Variants in CRELD1 observed in about 807,000 individuals in gnomAD.
CRELD1 encodes the protein CRELD disulfide isomerase 1.
In CRELD1, 42 loss-of-function variants were observed where a neutral mutation model predicts 58.2. The observed-to-expected ratio is 0.72, with a 90% CI of 0.56 to 0.93. The LOEUF is 0.93. CRELD1 is among the 40% of genes least tolerant of loss of function. The probability of loss-of-function intolerance (pLI) is 0.00; values close to 1 mark genes in which losing one functional copy is unlikely to be tolerated. For missense variants in CRELD1, 500 were observed against 540.6 expected (o/e 0.92, Z 0.74); for synonymous variants, 222 against 202.0 (o/e 1.10, Z -0.84).
intron 1 of CRELD1, 191 bp from the exon 2 acceptor site, chr3:9,934,229 A>G: frequency 6.7e-6 from 4 of 595,096 alleles, no homozygotes; most frequent in Non-Finnish European, 9.0e-6. Flanking sequence ...AGGATAACTT[A>G]TTTCTCTTCT....
At chr3:9,936,491 ATG>A (rs1436131511) in intron 3 of CRELD1, among the ~76,000 whole-genome samples, 18 of 151,288 alleles carry the variant, frequency 1.2e-4, no homozygotes, top group African/African-American at 2.2e-4. Context: ...GTATATATAT[ATG>A]TGTGTGTATA....
At chr3:9,936,242 G>A (rs1378518955) in intron 3 of CRELD1, 4 of 152,104 alleles carry the variant, frequency 2.6e-5, no homozygotes, top group Non-Finnish European at 5.9e-5. Flanking sequence ...AGAAATAAAG[G>A]TTTTGTTATT....
At chr3:9,936,691 A>T (rs959125965) in intron 3 of CRELD1, among the ~76,000 whole-genome samples, 3 of 151,942 alleles carry the variant, frequency 2.0e-5, no homozygotes, top group Admixed American at 2.0e-4. Flanking sequence ...CCCCCCAAAA[A>T]ATCCTATACC....
chr3:9,936,056 C>G (rs1008820248), intron 3 of CRELD1: 78 of 152,166 alleles, frequency 5.1e-4, no homozygotes, highest in African/African-American at 1.8e-3. Context: ...GAGCCCTGAG[C>G]CCTCCAGCTT....
chr3:9,942,689 G>A lies in CRELD1; in HGVS notation c.734-124G>A, dbSNP rs548288861. 1.1e-5 allele frequency: 9 copies of A among 799,878 alleles called. No homozygotes were observed. The Admixed American group carries it at 1.5e-4, about 13-fold the overall frequency. The allele number at this position is 799,878 out of a possible 1,614,324, so 49.5% of individuals were successfully genotyped here. ...AGTCCAGCTAGTCTGCTTCTGTGTTGGTAGACAGCTTGCAGTCTCTGCCAT... is the reference window on the plus strand; with the variant it reads ...AGTCCAGCTAGTCTGCTTCTGTGTTAGTAGACAGCTTGCAGTCTCTGCCAT... On this transcript the variant is annotated intron_variant, in intron 7 of 10. Transcript: ENST00000452070.
At position 9,943,529 on chromosome 3, in the gene CRELD1, C is replaced by CG; in HGVS notation, c.1048+17dup. On this transcript the variant is annotated intron_variant, in intron 10 of 10. Coordinates refer to ENST00000452070, the MANE Select transcript of CRELD1 (RefSeq NM_001077415.3). ...AGCAGATCCCAGGTGAGCCCTGGGG[C>CG]GGGAGAGGGGAGGTCCTCATTCAAA... 1 of 1,613,890 alleles carries CG rather than the reference C, an allele frequency of 6.2e-7. No homozygotes were observed. The highest frequency in any genetic ancestry group is 8.5e-7 in the Non-Finnish European group (1 of 1,179,936).
chr3:9,937,616 G>A lies in CRELD1; in HGVS notation c.312G>A (p.Glu104=), dbSNP rs781628094. 44 of 1,612,576 alleles carry A rather than the reference G, an allele frequency of 2.7e-5. No homozygotes were observed. The Admixed American group carries it at 6.8e-4, about 25-fold the overall frequency. The part of the protein sequence containing the change: ...LEGVCSKSDF[E]CHRLLELSEE... ...GTGTGTGCAGCAAGTCAGACTTCGA[G>A]TGCCACCGCCTGCTGGAGCTGAGTG... Residue 104 remains glutamate (E), a synonymous_variant, in exon 4 of 11, where the codon GAG becomes GAA. Coordinates refer to ENST00000452070, the MANE Select transcript of CRELD1 (RefSeq NM_001077415.3).
rs540452548 is a variant in CRELD1 at position 9,942,523 on chromosome 3, G to T, written c.734-290G>T. ...GAGAAGGGAAAGAAAGTGCATTGAG[G>T]AGTCCAAGCATTGTTTTAAGACCAA... On this transcript the variant is annotated intron_variant, in intron 7 of 10. Transcript: ENST00000452070. 5.3e-5 allele frequency among the ~76,000 whole-genome samples: 8 copies of T among 152,264 alleles called. No individual in the cohort carries two copies. In the East Asian group the frequency reaches 1.4e-3, roughly 26 times the overall value.
In CRELD1 at chr3:9,937,555, C is replaced by T. The variant is rs372228097; in HGVS notation, c.258-7C>T. On this transcript the variant is annotated splice_region_variant and splice_polypyrimidine_tract_variant and intron_variant, in intron 3 of 10. Transcript: ENST00000452070. Reference sequence around the variant, plus strand: ...TGTTTCCCACCAGCCCTGCCCTGTCCGATCAGTGAGACCCGCCTGGTAGAG... The same window carrying T: ...TGTTTCCCACCAGCCCTGCCCTGTCTGATCAGTGAGACCCGCCTGGTAGAG... 3.1e-5 allele frequency: 50 copies of T among 1,602,690 alleles called. No homozygotes were observed. The highest frequency in any genetic ancestry group is 6.8e-5 in the Admixed American group (4 of 59,130).
Position 9,941,050 on chromosome 3 carries a change from C to G in CRELD1, c.637+24C>G. 4 of 1,614,196 alleles carry G rather than the reference C, an allele frequency of 2.5e-6. No individual in the cohort carries two copies. The South Asian group carries it at 4.4e-5, about 18-fold the overall frequency. On this transcript the variant is annotated intron_variant, in intron 6 of 10. Coordinates refer to ENST00000452070, the MANE Select transcript of CRELD1 (RefSeq NM_001077415.3). ...GGGTAGGTAGCCAAAAGGTGTGGCA[C>G]TGGGCAGGGGCAGATGGGGCACCTG...
rs1327251791 is a variant in CRELD1, at chr3:9,941,124, C to T, written c.651C>T (p.Pro217=). ...CATTCCACCCAGCTTGTTTTGGCCCCTGTGCCCGATGCTCAGGACCTGAGG... is the reference window on the plus strand; with the variant it reads ...CATTCCACCCAGCTTGTTTTGGCCCTTGTGCCCGATGCTCAGGACCTGAGG... ...SHLVCSACFG[P]CARCSGPEES... Residue 217 remains proline, a synonymous_variant, in exon 7 of 11, where the codon CCC becomes CCT. Transcript: ENST00000452070. The T allele has an allele frequency of 1.2e-6, 2 of 1,614,230 alleles. No homozygotes were observed. Among genetic ancestry groups the T allele is most frequent in the Non-Finnish European group, 8.5e-7 (1 of 1,180,046 alleles).
intron 3 of CRELD1, among the ~76,000 whole-genome samples, chr3:9,936,497 G>A (rs2085197222): frequency 6.6e-6 from 1 of 151,680 alleles, no homozygotes; most frequent in South Asian, 2.1e-4. Flanking sequence ...ATATATGTGT[G>A]TGTATATATA....
At chr3:9,934,371 G>C in intron 1 of CRELD1, 49 bp from the exon 2 acceptor site, 3 of 1,418,980 alleles carry the variant, frequency 2.1e-6, no homozygotes, top group Non-Finnish European at 3.0e-6. Flanking sequence ...TCTTTCTCGC[G>C]TGGGGCCTGA....
chr3:9,941,473 G>GC (rs2085364106), intron 7 of CRELD1, among the ~76,000 whole-genome samples: 1 of 152,150 alleles, frequency 6.6e-6, no homozygotes, highest in Admixed American at 6.5e-5. Context: ...CTTGGAGGAG[G>GC]CGTTACTTTG....
intron 9 of CRELD1, 59 bp from the exon 10 acceptor site, chr3:9,943,322 G>C (rs1364539504): frequency 6.2e-7 from 1 of 1,612,904 alleles, no homozygotes; most frequent in African/African-American, 1.3e-5. Flanking sequence ...TGGACAAGAT[G>C]GAGTCAGGGT....
chr3:9,941,659 G>A (rs112945870), intron 7 of CRELD1, among the ~76,000 whole-genome samples: 7,137 of 151,590 alleles, frequency 0.047, 550 homozygotes, highest in African/African-American at 0.16. Flanking sequence ...GCGTGGTGGC[G>A]GGTGCCTGTA....
At chr3:9,937,762 C>T in intron 4 of CRELD1, 90 bp downstream of exon 4, 1 of 944,202 alleles carries the variant, frequency 1.1e-6, no homozygotes, top group Non-Finnish European at 1.7e-6. Context: ...GGGGTGCATG[C>T]TGGGGCCCAT....
intron 3 of CRELD1, among the ~76,000 whole-genome samples, chr3:9,936,910 A>G (rs145008375): frequency 0.033 from 5,053 of 152,272 alleles, 132 homozygotes; most frequent in Non-Finnish European, 0.05. Flanking sequence ...TTTATGGCTG[A>G]ATAATATTCT....
chr3:9,941,580 G>A (rs939595146), intron 7 of CRELD1, among the ~76,000 whole-genome samples: 4 of 152,004 alleles, frequency 2.6e-5, no homozygotes, highest in Admixed American at 6.6e-5. Flanking sequence ...CATGAGATCA[G>A]GAGATCGAGA....
Sources: allele counts gnomAD v4.1 joint callset (sites outside exome capture counted in the v4.1 genomes callset), GRCh38; gene constraint gnomAD v4.1.1; transcripts MANE v1.5; gene names NCBI Gene and HGNC (gene_info 2026-07-23, HGNC 2026-07-21).